MTM1: variants seen among roughly 807,000 people sequenced by gnomAD.
MTM1 encodes the protein myotubularin 1.
A neutral mutation model predicts 52.1 loss-of-function variants in MTM1; 9 were observed. That is an observed-to-expected ratio of 0.17 (90% CI 0.10 to 0.30). The LOEUF is 0.30. Ranked by LOEUF, MTM1 falls within the 10% of genes least tolerant of loss-of-function variation. MTM1 has a pLI of 1.00. For synonymous variants in MTM1, 136 were observed against 163.8 expected, an observed-to-expected ratio of 0.83 and a Z score of 1.29; for missense variants, 277 against 470.7, an observed-to-expected ratio of 0.59 and a Z score of 3.81.
Position 150,655,323 on chromosome X carries a change from T to TTA in MTM1, c.1054-2498_1054-2497insTA, listed in dbSNP as rs1557414366. Among the ~76,000 whole-genome samples, 3 of 87,544 alleles carry TTA rather than the reference T, an allele frequency of 3.4e-5. No individual in the cohort carries two copies. In the East Asian group the frequency reaches 1.1e-3, roughly 33 times the overall value. 76.0% of individuals were successfully genotyped at this position (87,544 alleles called of 115,157 possible). A position where few individuals can be genotyped will look rare whatever the true frequency, so the allele number is the denominator to read the frequency against. On this transcript the variant is annotated intron_variant, in intron 10 of 14. Coordinates refer to ENST00000370396, the MANE Select transcript of MTM1 (RefSeq NM_000252.3). The stretch of plus-strand genomic sequence containing the variant: ...CTGGGCGAAAGAGCGAGACTCTGTC[T>TTA]CAAAAAAAAAAAAAAAAAAATTAAA...
intron 4 of MTM1, among the ~76,000 whole-genome samples, chrX:150,608,826 G>GATT (rs1430982146): frequency 7.7e-4 from 76 of 99,188 alleles, no homozygotes; most frequent in African/African-American, 2.4e-3. Context: ...TGATGATGAT[G>GATT]ATGATTATTA....
chrX:150,611,728 C>T (rs190979207), intron 4 of MTM1, among the ~76,000 whole-genome samples: 3 of 111,759 alleles, frequency 2.7e-5, no homozygotes, highest in African/African-American at 9.8e-5. Context: ...CATCAATAAT[C>T]AAGACATGGA....
intron 7 of MTM1, among the ~76,000 whole-genome samples, chrX:150,640,765 A>G (rs1047233903): frequency 8.1e-5 from 9 of 111,441 alleles, no homozygotes; most frequent in African/African-American, 2.9e-4. Flanking sequence ...ATCTTCCTTT[A>G]CTTCCCCTCA....
intron 1 of MTM1, among the ~76,000 whole-genome samples, chrX:150,582,094 C>T (rs1687281895): frequency 9.0e-6 from 1 of 111,439 alleles, no homozygotes; most frequent in African/African-American, 3.3e-5. Flanking sequence ...CAGTTTTTAG[C>T]TCCTTGAAGA....
intron 14 of MTM1, among the ~76,000 whole-genome samples, chrX:150,669,989 G>A (rs781966987): frequency 9.0e-6 from 1 of 111,602 alleles, no homozygotes; most frequent in Admixed American, 9.5e-5. Context: ...TTTCTTCTAG[G>A]GTTTTCATGG....
chrX:150,628,767 C>T (rs935147188), intron 6 of MTM1, among the ~76,000 whole-genome samples: 51 of 106,939 alleles, frequency 4.8e-4, no homozygotes, highest in African/African-American at 1.6e-3. Context: ...CAGGGTCTTG[C>T]TCTGTCACCC....
At chrX:150,659,143 A>G (rs1557414580) in intron 11 of MTM1, among the ~76,000 whole-genome samples, 1 of 112,409 alleles carries the variant, frequency 8.9e-6, no homozygotes, top group East Asian at 2.8e-4. Flanking sequence ...ATGAGCCACC[A>G]CACCCAGCCA....
At chrX:150,573,464 T>C (rs1311475781) in intron 1 of MTM1, among the ~76,000 whole-genome samples, 2 of 112,677 alleles carry the variant, frequency 1.8e-5, no homozygotes, top group Non-Finnish European at 3.7e-5. Flanking sequence ...TCCCCTTGCC[T>C]CCAAACCCTG....
chrX:150,658,357 T>C (rs1484093791), intron 11 of MTM1, among the ~76,000 whole-genome samples: 2 of 112,016 alleles, frequency 1.8e-5, no homozygotes, highest in African/African-American at 6.5e-5. Context: ...GACTTTTAGT[T>C]GAGGCTTTTT....
At chrX:150,563,519 T>C (rs2038226610), upstream of MTM1, among the ~76,000 whole-genome samples, 1 of 101,878 alleles carries the variant, frequency 9.8e-6, no homozygotes, top group African/African-American at 3.5e-5. Context: ...TTCACCACGT[T>C]GGTTAGGCTG....
At chrX:150,648,930 AG>A (rs782641663) in intron 9 of MTM1, among the ~76,000 whole-genome samples, 276 of 112,659 alleles carry the variant, frequency 2.4e-3, no homozygotes, top group South Asian at 0.015. Flanking sequence ...TATGTGACTT[AG>A]GGGATAGTTA....
chrX:150,607,250 AG>A (rs1450266093), intron 4 of MTM1, among the ~76,000 whole-genome samples: 1 of 110,594 alleles, frequency 9.0e-6, no homozygotes, highest in African/African-American at 3.3e-5. Flanking sequence ...CGCCTCCCAA[AG>A]TGCTGGGATT....
upstream of MTM1, among the ~76,000 whole-genome samples, chrX:150,567,758 C>T (rs781929852): frequency 6.3e-5 from 7 of 111,443 alleles, no homozygotes; most frequent in East Asian, 1.4e-3. Context: ...TTCACCATGT[C>T]GTCCAGGCTG....
rs1557415144 is a variant in MTM1 at position 150,671,502 on chromosome X, A to G, written c.1719A>G (p.Glu573=). The change falls in exon 15 of 15, where the codon GAA becomes GAG. Residue 573 remains glutamate, a synonymous_variant. Transcript: ENST00000370396. The part of the protein sequence containing the change: ...LRDEYIKRLE[E]LQLANSAKLS... The stretch of plus-strand genomic sequence containing the variant: ...ACGAATACATAAAGCGGCTTGAGGA[A>G]CTGCAGCTCGCCAACTCTGCCAAGC... The G allele has an allele frequency of 8.3e-7, 1 of 1,210,967 alleles. No individual in the cohort carries two copies. Among genetic ancestry groups the G allele is most frequent in the South Asian group, 1.8e-5 (1 of 56,926 alleles).
intron 5 of MTM1, among the ~76,000 whole-genome samples, chrX:150,617,058 G>A (rs782134794): frequency 4.1e-4 from 46 of 112,378 alleles, no homozygotes; most frequent in African/African-American, 1.4e-3. Flanking sequence ...GTGATCTGCC[G>A]CCTGTGAGTC....
At chrX:150,589,776 A>G (rs1256913660) in intron 1 of MTM1, among the ~76,000 whole-genome samples, 2 of 107,433 alleles carry the variant, frequency 1.9e-5, no homozygotes, top group Admixed American at 1.0e-4. Flanking sequence ...TTAAGCAAAA[A>G]GCACTTTATA....
intron 10 of MTM1, among the ~76,000 whole-genome samples, chrX:150,656,213 G>A (rs188540885): frequency 9.0e-6 from 1 of 111,544 alleles, no homozygotes; most frequent in African/African-American, 3.3e-5. Context: ...CTGTACCTCA[G>A]AGCGTGACCC....
intron 1 of MTM1, among the ~76,000 whole-genome samples, chrX:150,590,243 C>T (rs1267423474): frequency 8.9e-6 from 1 of 112,293 alleles, no homozygotes; most frequent in Non-Finnish European, 1.9e-5. Flanking sequence ...CATTGTGGAA[C>T]TGGCACATGT....
intron 5 of MTM1, among the ~76,000 whole-genome samples, chrX:150,616,598 G>T (rs782776390): frequency 2.7e-5 from 3 of 111,655 alleles, no homozygotes; most frequent in Non-Finnish European, 5.6e-5. Context: ...TTGTCCAGCA[G>T]CAGGAGAAAG....
Sources: allele counts gnomAD v4.1 joint callset (sites outside exome capture counted in the v4.1 genomes callset), GRCh38; gene constraint gnomAD v4.1.1; transcripts MANE v1.5; gene names NCBI Gene and HGNC (gene_info 2026-07-23, HGNC 2026-07-21).